Variants in OPCML observed in about 807,000 individuals in gnomAD.
OPCML encodes opioid binding protein/cell adhesion molecule like, also known as opioid-binding protein/cell adhesion molecule.
OPCML carries 13 observed loss-of-function variants against 37.8 expected under a neutral mutation model. That is an observed-to-expected ratio of 0.34 (90% CI 0.22 to 0.55). The LOEUF (loss-of-function observed/expected upper bound fraction) is 0.55, where lower values mean the gene tolerates loss of function less well. Among genes scored for constraint, OPCML ranks in the 20% least tolerant of loss-of-function variants. OPCML has a pLI of 0.91. For missense variants in OPCML, 341 were observed against 435.6 expected (o/e 0.78, Z 1.93); for synonymous variants, 176 against 168.8 (o/e 1.04, Z -0.33).
In OPCML at chr11:132,420,281, A is replaced by T; in HGVS notation, c.929T>A (p.Val310Asp). The T allele has an allele frequency of 6.2e-7, 1 of 1,613,826 alleles. No homozygotes were observed. The highest frequency in any genetic ancestry group is 8.5e-7 in the Non-Finnish European group (1 of 1,179,810). The change falls in exon 8 of 8, where the codon GTC becomes GAC. Residue 310 changes from valine (V) to aspartate (D), a missense_variant. Coordinates refer to ENST00000524381, the MANE Select transcript of OPCML (RefSeq NM_001012393.5). The stretch of plus-strand genomic sequence containing the variant: ...GGAGGCCGAGTTTACACCATCAATG[A>T]CTGCTCCAGGCCCTGTGTAGGGGAG... The part of the protein sequence containing the change: ...ASITLYGPGA[V>D]IDGVNSASRA...
rs989807494 is a variant in OPCML at position 133,457,169 on chromosome 11, C to CA, written c.61+75094dup. Reference sequence around the variant, plus strand: ...GACAGACTATAAGTGGATTTCTCAGCAAAAAAACTTACAGGCCAGAGAAAA... The same window carrying CA: ...GACAGACTATAAGTGGATTTCTCAGCAAAAAAAACTTACAGGCCAGAGAAAA... On this transcript the variant is annotated intron_variant, in intron 1 of 7. Transcript: ENST00000524381. 3.9e-5 allele frequency among the ~76,000 whole-genome samples: 6 copies of CA among 152,068 alleles called. No individual in the cohort carries two copies. The South Asian group carries it at 1.2e-3, about 32-fold the overall frequency.
At chr11:133,362,480 G>A (rs1038265095) in intron 1 of OPCML, among the ~76,000 whole-genome samples, 1 of 152,170 alleles carries the variant, frequency 6.6e-6, no homozygotes, top group Admixed American at 6.5e-5. Context: ...AGGCCTCCGG[G>A]GAAGTGAGCT....
At chr11:133,440,686 C>T (rs1946344657) in intron 1 of OPCML, among the ~76,000 whole-genome samples, 1 of 147,810 alleles carries the variant, frequency 6.8e-6, no homozygotes, top group African/African-American at 2.5e-5. Context: ...AAGACCTCAC[C>T]ATGGCACTCC....
At chr11:133,310,069 G>A (rs750569018) in intron 1 of OPCML, among the ~76,000 whole-genome samples, 4 of 152,180 alleles carry the variant, frequency 2.6e-5, no homozygotes, top group South Asian at 2.1e-4. Flanking sequence ...TTAGAGACAC[G>A]AAGATGGATA....
chr11:132,918,352 G>T (rs1483588028), intron 2 of OPCML, among the ~76,000 whole-genome samples: 2 of 152,104 alleles, frequency 1.3e-5, no homozygotes, highest in African/African-American at 4.8e-5. Flanking sequence ...TTCCCATCCT[G>T]CTGCAAGTTC....
intron 1 of OPCML, among the ~76,000 whole-genome samples, chr11:133,034,761 T>C (rs1454127226): frequency 1.3e-5 from 2 of 151,954 alleles, no homozygotes; most frequent in African/African-American, 2.4e-5. Context: ...CTTTTTTTTT[T>C]TTTGCTCTTA....
intron 1 of OPCML, among the ~76,000 whole-genome samples, chr11:133,507,954 A>C (rs974723268): frequency 6.6e-6 from 1 of 152,124 alleles, no homozygotes; most frequent in African/African-American, 2.4e-5. Flanking sequence ...CTCAAAAAAA[A>C]AAAAAAAAAT....
At position 132,749,764 on chromosome 11, in the gene OPCML, G is replaced by T. The variant is rs1304209957; in HGVS notation, c.147-92445C>A. 3.3e-5 allele frequency among the ~76,000 whole-genome samples: 5 copies of T among 152,276 alleles called. No homozygotes were observed. In the South Asian group the frequency reaches 8.3e-4, roughly 25 times the overall value. ...GAATTCAGCGAAATAAAAATATTAG[G>T]GAAAAATGCAGGGATTGTGGTAGAT... On this transcript the variant is annotated intron_variant, in intron 2 of 7. Coordinates refer to ENST00000524381, the MANE Select transcript of OPCML (RefSeq NM_001012393.5).
intron 3 of OPCML, among the ~76,000 whole-genome samples, chr11:132,640,527 T>G (rs1053487565): frequency 6.6e-6 from 1 of 152,166 alleles, no homozygotes; most frequent in Admixed American, 6.5e-5. Context: ...TCTTTTATCA[T>G]GAAATACTTA....
intron 1 of OPCML, among the ~76,000 whole-genome samples, chr11:133,222,318 C>T (rs140789642): frequency 1.8e-3 from 267 of 152,286 alleles, no homozygotes; most frequent in African/African-American, 6.2e-3. Flanking sequence ...GTTGTTCACT[C>T]GCCAGGCAGG....
At chr11:133,318,853 A>G (rs1943264308) in intron 1 of OPCML, among the ~76,000 whole-genome samples, 1 of 152,162 alleles carries the variant, frequency 6.6e-6, no homozygotes, top group Admixed American at 6.5e-5. Flanking sequence ...CCTGGCCAAC[A>G]TGGTGAAACC....
chr11:132,824,422 A>G (rs375100842), intron 2 of OPCML, among the ~76,000 whole-genome samples: 2 of 152,140 alleles, frequency 1.3e-5, no homozygotes, highest in African/African-American at 2.4e-5. Flanking sequence ...AGTCAGCCTC[A>G]GTTCTCGCTT....
chr11:133,415,180 C>T (rs756811720), intron 1 of OPCML, among the ~76,000 whole-genome samples: 4 of 152,026 alleles, frequency 2.6e-5, no homozygotes, highest in African/African-American at 7.2e-5. Flanking sequence ...GAGGCCGAGG[C>T]GGGCGGATCA....
At chr11:132,441,159 T>C (rs1238997006) in intron 4 of OPCML, among the ~76,000 whole-genome samples, 3 of 99,560 alleles carry the variant, frequency 3.0e-5, no homozygotes, top group East Asian at 5.0e-4. Context: ...CACCAAGGAC[T>C]TTTTTGTTTT....
At chr11:133,487,390 T>G (rs1235096298) in intron 1 of OPCML, among the ~76,000 whole-genome samples, 1 of 152,168 alleles carries the variant, frequency 6.6e-6, no homozygotes, top group Non-Finnish European at 1.5e-5. Flanking sequence ...CTGTCTAAAA[T>G]GCTCTTCTCT....
At chr11:133,450,456 A>G (rs1025401439) in intron 1 of OPCML, among the ~76,000 whole-genome samples, 2 of 151,576 alleles carry the variant, frequency 1.3e-5, no homozygotes, top group African/African-American at 2.4e-5. Context: ...AGCTGTAATC[A>G]ACCTTTCTAA....
At chr11:133,517,526 C>T (rs1024340092) in intron 1 of OPCML, among the ~76,000 whole-genome samples, 10 of 152,186 alleles carry the variant, frequency 6.6e-5, no homozygotes, top group Admixed American at 6.5e-5. Flanking sequence ...GGGGGCAACT[C>T]CCCCATACTT....
At chr11:133,468,450 G>A (rs993003737) in intron 1 of OPCML, among the ~76,000 whole-genome samples, 4 of 152,184 alleles carry the variant, frequency 2.6e-5, no homozygotes, top group South Asian at 2.1e-4. Flanking sequence ...TGACTGCTGC[G>A]GCAGCCAGGA....
Position 132,952,703 on chromosome 11 carries a change from A to G in OPCML, c.62-9693T>C, listed in dbSNP as rs77361501. Among the ~76,000 whole-genome samples, 1,327 of 152,268 alleles carry G rather than the reference A, an allele frequency of 8.7e-3. 7 individuals are homozygous for G. The highest frequency in any genetic ancestry group is 0.017 in the Middle Eastern group (5 of 294). Reference sequence around the variant, plus strand: ...AATCCCAGCTCTGCTACTTCCAAGCAGGGCGATCCTCTGAGTTTGTGTACC... The same window carrying G: ...AATCCCAGCTCTGCTACTTCCAAGCGGGGCGATCCTCTGAGTTTGTGTACC... On this transcript the variant is annotated intron_variant, in intron 1 of 7. Coordinates refer to ENST00000524381, the MANE Select transcript of OPCML (RefSeq NM_001012393.5).
Sources: allele counts gnomAD v4.1 joint callset (sites outside exome capture counted in the v4.1 genomes callset), GRCh38; gene constraint gnomAD v4.1.1; transcripts MANE v1.5; gene names NCBI Gene and HGNC (gene_info 2026-07-23, HGNC 2026-07-21).